Variants in ADARB2 observed in about 807,000 individuals in gnomAD.
The protein encoded by ADARB2 is adenosine deaminase RNA specific B2 (inactive).
Under a neutral mutation model 62.2 loss-of-function variants are expected in ADARB2, and 25 were observed. That is an observed-to-expected ratio of 0.40 (90% CI 0.29 to 0.56). ADARB2 has a LOEUF of 0.56. Ranked by LOEUF, ADARB2 falls within the 20% of genes least tolerant of loss-of-function variation. The probability of loss-of-function intolerance (pLI) is 0.43; values close to 1 mark genes in which losing one functional copy is unlikely to be tolerated. For synonymous variants in ADARB2, 572 were observed against 500.8 expected (o/e 1.14, Z -1.90); for missense variants, 1,071 against 1,077.4 (o/e 0.99, Z 0.08).
intron 1 of ADARB2, among the ~76,000 whole-genome samples, chr10:1,432,873 C>T (rs1173118238): frequency 1.3e-5 from 2 of 152,084 alleles, no homozygotes; most frequent in Non-Finnish European, 2.9e-5. Flanking sequence ...TGGTTCTGCT[C>T]AGCTGGAAGC....
intron 3 of ADARB2, among the ~76,000 whole-genome samples, chr10:1,301,327 CAA>C (rs58525927): frequency 0.43 from 66,027 of 151,818 alleles, 15,924 homozygotes; most frequent in East Asian, 0.69. Context: ...AGTGGCCAAG[CAA>C]AAGTCATCAA....
At chr10:1,303,118 T>A (rs2131818557) in intron 3 of ADARB2, among the ~76,000 whole-genome samples, 1 of 151,734 alleles carries the variant, frequency 6.6e-6, no homozygotes, top group East Asian at 1.9e-4. Context: ...GCAAAGAAGT[T>A]GAAAACTTTG....
intron 1 of ADARB2, among the ~76,000 whole-genome samples, chr10:1,527,550 G>C (rs544592886): frequency 1.2e-4 from 18 of 152,194 alleles, no homozygotes; most frequent in Non-Finnish European, 2.5e-4. Flanking sequence ...TGCTGTTTCT[G>C]TTGTAAGAAG....
intron 1 of ADARB2, among the ~76,000 whole-genome samples, chr10:1,638,235 C>G (rs971585686): frequency 6.6e-6 from 1 of 152,170 alleles, no homozygotes; most frequent in Non-Finnish European, 1.5e-5. Context: ...GAAGTAGTCT[C>G]AAAATGTCAT....
chr10:1,725,514 AC>A (rs58931351), intron 1 of ADARB2, among the ~76,000 whole-genome samples: 5,880 of 151,302 alleles, frequency 0.039, 132 homozygotes, highest in Middle Eastern at 0.075. Context: ...GTGGGGGAAG[AC>A]CCCCTCCCCG....
chr10:1,494,767 TG>T (rs1030928204), intron 1 of ADARB2, among the ~76,000 whole-genome samples: 6 of 152,132 alleles, frequency 3.9e-5, no homozygotes, highest in African/African-American at 1.2e-4. Flanking sequence ...AGGGGTGAGT[TG>T]TGGGGGTCTT....
chr10:1,249,383 A>G (rs2131781902), intron 4 of ADARB2, among the ~76,000 whole-genome samples: 1 of 149,148 alleles, frequency 6.7e-6, no homozygotes, highest in South Asian at 2.2e-4. Flanking sequence ...CGGAGGTTGG[A>G]GTGAGCTGAG....
At chr10:1,621,345 G>A (rs567657115) in intron 1 of ADARB2, among the ~76,000 whole-genome samples, 1 of 151,768 alleles carries the variant, frequency 6.6e-6, no homozygotes, top group African/African-American at 2.4e-5. Context: ...AGAAAAACAA[G>A]AACATTGTTA....
chr10:1,333,597 T>C (rs1831948168), intron 3 of ADARB2, among the ~76,000 whole-genome samples: 1 of 152,124 alleles, frequency 6.6e-6, no homozygotes, highest in Non-Finnish European at 1.5e-5. Flanking sequence ...ATACCTGTAA[T>C]AGGCAAAGTG....
At chr10:1,274,333 T>C (rs1043298444) in intron 3 of ADARB2, among the ~76,000 whole-genome samples, 8 of 152,244 alleles carry the variant, frequency 5.3e-5, no homozygotes, top group African/African-American at 1.9e-4. Flanking sequence ...GGGTGATTCA[T>C]GGGTGTTAAT....
chr10:1,202,182 A>T (rs1025441722), intron 7 of ADARB2, among the ~76,000 whole-genome samples: 1 of 151,406 alleles, frequency 6.6e-6, no homozygotes. Flanking sequence ...GGCTCAAGCG[A>T]TCCTCCCACC....
chr10:1,476,770 C>T (rs1033835210), intron 1 of ADARB2, among the ~76,000 whole-genome samples: 3 of 152,140 alleles, frequency 2.0e-5, no homozygotes, highest in South Asian at 2.1e-4. Flanking sequence ...GAGGCGTCCC[C>T]GTGCATCCAA....
intron 4 of ADARB2, among the ~76,000 whole-genome samples, chr10:1,267,724 C>G (rs1169865424): frequency 6.6e-6 from 1 of 152,208 alleles, no homozygotes; most frequent in African/African-American, 2.4e-5. Context: ...CACAACACAA[C>G]TTGGAGCTGG....
intron 6 of ADARB2, among the ~76,000 whole-genome samples, chr10:1,223,908 G>C (rs1247537235): frequency 6.6e-6 from 1 of 152,196 alleles, no homozygotes; most frequent in Non-Finnish European, 1.5e-5. Context: ...TCTCTGCCAG[G>C]CTTTGGTTTC....
At chr10:1,718,911 G>A (rs1453110334) in intron 1 of ADARB2, among the ~76,000 whole-genome samples, 1 of 152,230 alleles carries the variant, frequency 6.6e-6, no homozygotes, top group African/African-American at 2.4e-5. Context: ...CTCGATTGTA[G>A]TGGTCAGATT....
intron 1 of ADARB2, among the ~76,000 whole-genome samples, chr10:1,615,793 G>A (rs1299786743): frequency 1.3e-5 from 2 of 152,202 alleles, no homozygotes; most frequent in African/African-American, 2.4e-5. Context: ...GCAGGGCAGG[G>A]ACTGTTGTCC....
chr10:1,336,347 G>A (rs1392739300), intron 3 of ADARB2, among the ~76,000 whole-genome samples: 7 of 152,128 alleles, frequency 4.6e-5, no homozygotes, highest in Non-Finnish European at 2.9e-5. Context: ...ATGTTATCCT[G>A]TTTATCTTTG....
intron 1 of ADARB2, among the ~76,000 whole-genome samples, chr10:1,548,342 T>C (rs887360749): frequency 6.6e-6 from 1 of 152,232 alleles, no homozygotes; most frequent in East Asian, 1.9e-4. Context: ...TTGTGGACTT[T>C]CACAATGTTA....
At chr10:1,679,915 C>T (rs535414804) in intron 1 of ADARB2, among the ~76,000 whole-genome samples, 1 of 152,262 alleles carries the variant, frequency 6.6e-6, no homozygotes, top group African/African-American at 2.4e-5. Flanking sequence ...TGCACTTTCT[C>T]CCCCTTAGAA....
Sources: gnomAD v4.1 joint callset for allele counts (sites outside exome capture counted in the v4.1 genomes callset) on GRCh38, gnomAD v4.1.1 for gene constraint, MANE v1.5 for transcripts, NCBI Gene and HGNC (gene_info 2026-07-23, HGNC 2026-07-21) for gene names.